Variants in PTPRN2 observed in about 807,000 individuals in gnomAD.
PTPRN2 encodes receptor-type tyrosine-protein phosphatase N2.
A neutral mutation model predicts 118.8 loss-of-function variants in PTPRN2; 74 were observed. The observed-to-expected ratio is 0.62, with a 90% CI of 0.52 to 0.76. PTPRN2 has a LOEUF of 0.76. Among genes scored for constraint, PTPRN2 ranks in the 30% least tolerant of loss-of-function variants. The probability of loss-of-function intolerance (pLI) is 0.00; values close to 1 mark genes in which losing one functional copy is unlikely to be tolerated. For synonymous variants in PTPRN2, 641 were observed against 608.0 expected (o/e 1.05, Z -0.80); for missense variants, 1,481 against 1,394.4 (o/e 1.06, Z -0.99).
intron 2 of PTPRN2, among the ~76,000 whole-genome samples, chr7:158,340,928 A>T (rs62493622): frequency 3.4e-4 from 23 of 67,362 alleles, no homozygotes; most frequent in East Asian, 5.1e-4. Flanking sequence ...ACACACGTCA[A>T]TCACACTCAC....
chr7:157,808,355 G>A lies in PTPRN2; in HGVS notation c.1788+90318C>T, dbSNP rs957814456. On this transcript the variant is annotated intron_variant, in intron 12 of 22. Coordinates refer to ENST00000389418, the MANE Select transcript of PTPRN2 (RefSeq NM_002847.5). This position sits in a 1 kb window ranked among gnomAD's most constrained non-coding sequence, Gnocchi z 5.0. Reference sequence around the variant, plus strand: ...GCGGGTGAGTGGCGGGTGAGTGAGCGAGTGAAACTTTGTCGGTATTTATAG... The same window carrying A: ...GCGGGTGAGTGGCGGGTGAGTGAGCAAGTGAAACTTTGTCGGTATTTATAG... Among the ~76,000 whole-genome samples, 18 of 152,092 alleles carry A rather than the reference G, an allele frequency of 1.2e-4. No homozygotes were observed. Among genetic ancestry groups the A allele is most frequent in the Admixed American group, 3.3e-4 (5 of 15,260 alleles).
chr7:157,769,316 G>A (rs1563088501), intron 12 of PTPRN2, among the ~76,000 whole-genome samples: 1 of 152,182 alleles, frequency 6.6e-6, no homozygotes, highest in Non-Finnish European at 1.5e-5. Context: ...CTGCTAATCT[G>A]AGAGGCCACA....
intron 2 of PTPRN2, among the ~76,000 whole-genome samples, chr7:158,365,607 C>T (rs762210585): frequency 4.0e-5 from 6 of 151,890 alleles, no homozygotes; most frequent in Non-Finnish European, 8.8e-5. Flanking sequence ...TGCATGCACA[C>T]GCACACACAC....
At chr7:158,184,151 G>A (rs1261007357) in intron 5 of PTPRN2, among the ~76,000 whole-genome samples, 1 of 152,038 alleles carries the variant, frequency 6.6e-6, no homozygotes, top group African/African-American at 2.4e-5. Context: ...CAAAGTTCTA[G>A]TTATCAATTT....
At chr7:157,663,913 G>A (rs759183483) in intron 13 of PTPRN2, among the ~76,000 whole-genome samples, 5 of 152,190 alleles carry the variant, frequency 3.3e-5, no homozygotes, top group African/African-American at 7.2e-5. Context: ...AATGTAGAAC[G>A]CTACTTGACT....
chr7:158,334,848 G>C (rs62480934), intron 2 of PTPRN2, among the ~76,000 whole-genome samples: 1 of 7,984 alleles, frequency 1.3e-4, no homozygotes, highest in Non-Finnish European at 5.0e-4. Context: ...GACACCTGCA[G>C]ACGTCACTCA....
intron 12 of PTPRN2, among the ~76,000 whole-genome samples, chr7:157,759,311 A>G (rs778734915): frequency 1.3e-5 from 2 of 152,192 alleles, no homozygotes; most frequent in Non-Finnish European, 2.9e-5. Flanking sequence ...CTGGGCTGAG[A>G]TGCACCTGTT....
chr7:158,161,325 C>A (rs960334075), intron 6 of PTPRN2, among the ~76,000 whole-genome samples: 1 of 152,212 alleles, frequency 6.6e-6, no homozygotes, highest in African/African-American at 2.4e-5. Context: ...ATGCACTACA[C>A]CCATTGTTAC....
intron 8 of PTPRN2, among the ~76,000 whole-genome samples, chr7:158,134,476 G>A (rs557921020): frequency 2.6e-5 from 4 of 152,166 alleles, no homozygotes; most frequent in East Asian, 1.9e-4. Flanking sequence ...AATTTGCAAC[G>A]ACTGAGCTCT....
intron 12 of PTPRN2, among the ~76,000 whole-genome samples, chr7:157,699,070 C>T (rs1479704845): frequency 6.6e-6 from 1 of 152,216 alleles, no homozygotes; most frequent in Non-Finnish European, 1.5e-5. Flanking sequence ...CAGTTACATA[C>T]TACACATCCA....
intron 11 of PTPRN2, among the ~76,000 whole-genome samples, chr7:158,013,762 CTCAT>C (rs1359283813): frequency 7.4e-3 from 12 of 1,626 alleles, no homozygotes; most frequent in Non-Finnish European, 0.014. Context: ...CATCCATCCA[CTCAT>C]CCACCTATCC....
chr7:158,006,520 A>C (rs546687932), intron 11 of PTPRN2, among the ~76,000 whole-genome samples: 18 of 152,314 alleles, frequency 1.2e-4, no homozygotes, highest in African/African-American at 4.3e-4. Context: ...GCGCCAGGCA[A>C]AGATCTGGCG....
At chr7:158,378,378 C>A (rs1235440038) in intron 2 of PTPRN2, among the ~76,000 whole-genome samples, 1 of 152,166 alleles carries the variant, frequency 6.6e-6, no homozygotes, top group Non-Finnish European at 1.5e-5. Context: ...GGGCCCTGGA[C>A]CCACTAGGGA....
At chr7:158,206,763 C>T (rs956393789) in intron 3 of PTPRN2, among the ~76,000 whole-genome samples, 5 of 151,644 alleles carry the variant, frequency 3.3e-5, no homozygotes, top group Non-Finnish European at 7.4e-5. Context: ...GGATTAAAAA[C>T]GTAGATCACA....
At chr7:158,259,011 G>C (rs1563049575) in intron 3 of PTPRN2, among the ~76,000 whole-genome samples, 1 of 152,142 alleles carries the variant, frequency 6.6e-6, no homozygotes, top group African/African-American at 2.4e-5. Context: ...GCAGGAAGCA[G>C]GAGCAGGACG....
At chr7:158,008,283 G>T (rs1437939848) in intron 11 of PTPRN2, among the ~76,000 whole-genome samples, 1 of 152,224 alleles carries the variant, frequency 6.6e-6, no homozygotes, top group African/African-American at 2.4e-5. Flanking sequence ...AATTTCTACT[G>T]ATTGCATGAT....
chr7:158,129,221 C>A (rs1007480538), intron 9 of PTPRN2, among the ~76,000 whole-genome samples: 3 of 149,734 alleles, frequency 2.0e-5, no homozygotes, highest in Non-Finnish European at 4.4e-5. Context: ...AGCCACACAG[C>A]ACACCACACA....
At chr7:158,191,836 CGCTGCCCTGG>C (rs1040167040) in intron 5 of PTPRN2, among the ~76,000 whole-genome samples, 2 of 152,074 alleles carry the variant, frequency 1.3e-5, no homozygotes, top group Non-Finnish European at 2.9e-5. Context: ...GGAGCCCTTA[CGCTGCCCTGG>C]GCTGCCCCCG....
chr7:157,616,037 ACAGGGCGCC>A (rs1802750382), intron 15 of PTPRN2: 1 of 188,786 alleles, frequency 5.3e-6, no homozygotes, highest in Non-Finnish European at 1.1e-5. Flanking sequence ...GTCACGGGAA[ACAGGGCGCC>A]CAGGAGACGG....
Sources: allele counts gnomAD v4.1 joint callset (sites outside exome capture counted in the v4.1 genomes callset), GRCh38; gene constraint gnomAD v4.1.1; non-coding constraint Gnocchi (gnomAD v3.1); transcripts MANE v1.5; gene names NCBI Gene and HGNC (gene_info 2026-07-23, HGNC 2026-07-21).